The following NEFM variants were observed in gnomAD, a reference collection of about 807,000 sequenced individuals.
NEFM encodes neurofilament medium chain, also known as neurofilament medium polypeptide.
Under a neutral mutation model 48.1 loss-of-function variants are expected in NEFM, and 16 were observed. That is an observed-to-expected ratio of 0.33 (90% CI 0.23 to 0.51). NEFM has a LOEUF of 0.51. NEFM is among the 20% of genes least tolerant of loss of function. The pLI is 0.98. For missense variants in NEFM, 1,107 were observed against 1,136.0 expected (o/e 0.97, Z 0.37); for synonymous variants, 465 against 456.9 (o/e 1.02, Z -0.23).
At position 24,915,738 on chromosome 8, in the gene NEFM, CT is replaced by C. The variant is rs766276484; in HGVS notation, c.1205+11del. On this transcript the variant is annotated intron_variant, in intron 2 of 2. Coordinates refer to ENST00000221166, the MANE Select transcript of NEFM (RefSeq NM_005382.2). The stretch of plus-strand genomic sequence containing the variant: ...GAAATCGCTGCGTACAGGTACGATG[CT>C]TACTACGTGCGTGGCCGGAACACTA... 37 of 1,613,938 alleles carry C rather than the reference CT, an allele frequency of 2.3e-5. No homozygotes were observed. In the Admixed American group the frequency reaches 3.7e-4, roughly 16 times the overall value.
chr8:24,917,643 T>C lies in NEFM; in HGVS notation c.1788T>C (p.Ala596=), dbSNP rs375380325. ...TGGAGGAAAAGAGTGAGGAAGTGGC[T>C]ACCAAGGAGGAGCTGGTGGCAGATG... ...KKVEEKSEEV[A]TKEELVADAK... Residue 596 remains alanine (A), a synonymous_variant, in exon 3 of 3, where the codon GCT becomes GCC. Coordinates refer to ENST00000221166, the MANE Select transcript of NEFM (RefSeq NM_005382.2). 74 of 1,613,174 alleles carry C rather than the reference T, an allele frequency of 4.6e-5. No individual in the cohort carries two copies. The Middle Eastern group carries it at 2.2e-3, about 49-fold the overall frequency.
rs528508186 is a variant in NEFM, at chr8:24,917,809, G to C, written c.1954G>C (p.Gly652Arg). The C allele has an allele frequency of 1.2e-6, 2 of 1,613,576 alleles. No individual in the cohort carries two copies. Among genetic ancestry groups the C allele is most frequent in the African/African-American group, 2.7e-5 (2 of 75,020 alleles). ...PVPKSPVEEKGKSPVPKSPVE... is the reference protein window; with the variant it reads ...PVPKSPVEEKRKSPVPKSPVE... ...GCCCAAGTCACCAGTGGAAGAGAAA[G>C]GCAAGTCTCCTGTGCCGAAATCACC... The change falls in exon 3 of 3, where the codon GGC becomes CGC. Residue 652 changes from glycine (G) to arginine (R), a missense_variant. Transcript: ENST00000221166.
chr8:24,917,982 C>G lies in NEFM; in HGVS notation c.2127C>G (p.Val709=). 2 of 1,610,216 alleles carry G rather than the reference C, an allele frequency of 1.2e-6. No individual in the cohort carries two copies. Among genetic ancestry groups the G allele is most frequent in the Non-Finnish European group, 1.7e-6 (2 of 1,177,938 alleles). ...GEQKEEEEKE[V]KEAPKEEKVE... ...AGAAAGAGGAAGAAGAAAAGGAAGT[C>G]AAGGAAGCTCCCAAGGAAGAGAAGG... is the stretch of plus-strand genomic sequence containing the variant. The change falls in exon 3 of 3, where the codon GTC becomes GTG. Residue 709 remains valine, a synonymous_variant. Transcript: ENST00000221166.
Position 24,918,621 on chromosome 8 carries a change from G to C in NEFM, c.*15G>C. 2.5e-6 allele frequency: 4 copies of C among 1,572,126 alleles called. 1 individual carries two copies. In the South Asian group the frequency reaches 4.4e-5, roughly 17 times the overall value. Reference sequence around the variant, plus strand: ...AGAGTGACTAAGATTTGAGTCCATTGCAAAAGGTTAAGCCATATGACAATT... The same window carrying C: ...AGAGTGACTAAGATTTGAGTCCATTCCAAAAGGTTAAGCCATATGACAATT... On this transcript the variant is annotated 3_prime_UTR_variant, in exon 3 of 3. Coordinates refer to ENST00000221166, the MANE Select transcript of NEFM (RefSeq NM_005382.2).
Position 24,914,569 on chromosome 8 carries a change from A to C in NEFM, c.776A>C (p.Lys259Thr), listed in dbSNP as rs1802543783. 1 of 1,614,040 alleles carries C rather than the reference A, an allele frequency of 6.2e-7. No individual in the cohort carries two copies. The highest frequency in any genetic ancestry group is 1.7e-5 in the Admixed American group (1 of 60,004). ...GCATCGCACATCACGGTGGAGCGCA[A>C]AGACTACCTGAAGACAGACATCTCG... ...IQASHITVER[K>T]DYLKTDISTA... Residue 259 changes from lysine (K) to threonine (T), a missense_variant, in exon 1 of 3, where the codon AAA (lysine) becomes ACA (threonine). Transcript: ENST00000221166.
Position 24,913,909 on chromosome 8 carries a change from C to T in NEFM, c.116C>T (p.Ser39Leu), listed in dbSNP as rs1365448844. The T allele has an allele frequency of 6.2e-7, 1 of 1,611,052 alleles. No homozygotes were observed. The highest frequency in any genetic ancestry group is 2.2e-5 in the East Asian group (1 of 44,828). The change falls in exon 1 of 3, where the codon TCG (serine) becomes TTG (leucine). Residue 39 changes from serine (S) to leucine (L), a missense_variant. Transcript: ENST00000221166. ...CCGTCCAGTGGCTTCCGCTCGCAGT[C>T]GTGGTCCCGCGGCTCGCCCAGCACC... ...GSPSSGFRSQSWSRGSPSTVS... is the reference protein window; with the variant it reads ...GSPSSGFRSQLWSRGSPSTVS...
At position 24,916,492 on chromosome 8, in the gene NEFM, C is replaced by T. The variant is rs534771532; in HGVS notation, c.1206-569C>T. Among the ~76,000 whole-genome samples the T allele has an allele frequency of 3.3e-5, 5 of 152,030 alleles. No homozygotes were observed. The South Asian group carries it at 6.2e-4, about 19-fold the overall frequency. ...TACCAATAAGGTAGTTATAATATAACGAGAATAAATTGCATTTACAGAGCT... is the reference window on the plus strand; with the variant it reads ...TACCAATAAGGTAGTTATAATATAATGAGAATAAATTGCATTTACAGAGCT... On this transcript the variant is annotated intron_variant, in intron 2 of 2. Transcript: ENST00000221166.
At position 24,918,389 on chromosome 8, in the gene NEFM, G is replaced by A. The variant is rs188421098; in HGVS notation, c.2534G>A (p.Gly845Asp). The A allele has an allele frequency of 1.2e-6, 2 of 1,613,972 alleles. No homozygotes were observed. The highest frequency in any genetic ancestry group is 1.1e-5 in the South Asian group (1 of 91,082). ...DLSPADEKKG[G>D]DKSEEKVVVT... is the part of the protein sequence containing the mutation. ...AGCCCAGCAGATGAAAAGAAGGGGG[G>A]TGATAAAAGTGAGGAGAAAGTGGTG... The change falls in exon 3 of 3, where the codon GGT (glycine) becomes GAT (aspartate). Residue 845 changes from glycine (G) to aspartate (D), a missense_variant. This residue lies in a region of NEFM where 917 missense variants were observed against 916.4 expected (regional missense o/e 1.00). Coordinates refer to ENST00000221166, the MANE Select transcript of NEFM (RefSeq NM_005382.2).
At chr8:24,915,441 A>G (rs1446115419) in intron 1 of NEFM, 164 bp from the exon 2 acceptor site, 2 of 1,215,516 alleles carry the variant, frequency 1.6e-6, no homozygotes, top group Non-Finnish European at 2.3e-6. Context: ...TTAGATTTAA[A>G]AGAAAAAGGG....
chr8:24,918,837 G>T lies in NEFM; in HGVS notation c.*231G>T. 2 of 553,442 alleles carry T rather than the reference G, an allele frequency of 3.6e-6. No homozygotes were observed. The highest frequency in any genetic ancestry group is 3.2e-5 in the East Asian group (1 of 31,554). The allele number at this position is 553,442 out of a possible 1,614,324, so 34.3% of individuals were successfully genotyped here. ...AAATTTGCCGATTTCCTAAGCTGTT[G>T]GAAGGGGGTCACTTAAGGGGGGATG... On this transcript the variant is annotated 3_prime_UTR_variant, in exon 3 of 3. Coordinates refer to ENST00000221166, the MANE Select transcript of NEFM (RefSeq NM_005382.2).
Position 24,915,611 on chromosome 8 carries a change from A to G in NEFM, c.1087A>G (p.Ile363Val). 2 of 1,614,080 alleles carry G rather than the reference A, an allele frequency of 1.2e-6. No individual in the cohort carries two copies. Among genetic ancestry groups the G allele is most frequent in the Non-Finnish European group, 8.5e-7 (1 of 1,180,000 alleles). ...TTCTCTGTGTCTGTTTCAGGACACCATCCAGCAGCTGGAAAATGAGCTTCG... is the reference window on the plus strand; with the variant it reads ...TTCTCTGTGTCTGTTTCAGGACACCGTCCAGCAGCTGGAAAATGAGCTTCG... ...NHDLSSYQDT[I>V]QQLENELRGT... Residue 363 changes from isoleucine (I) to valine (V), a missense_variant, in exon 2 of 3, where the codon ATC becomes GTC. Ile to Val is a conservative substitution (Grantham distance 29). This residue lies in a region of NEFM where 917 missense variants were observed against 916.4 expected (regional missense o/e 1.00). Transcript: ENST00000221166.
At position 24,917,718 on chromosome 8, in the gene NEFM, A is replaced by G. The variant is rs1182677728; in HGVS notation, c.1863A>G (p.Pro621=). ...CCAAGTCTCCTGTGCCAAAATCACC[A>G]GTGGAAGAGAAAGGCAAGTCTCCTG... ...EKAKSPVPKS[P]VEEKGKSPVP... The change falls in exon 3 of 3, where the codon CCA becomes CCG. Residue 621 remains proline, a synonymous_variant. Coordinates refer to ENST00000221166, the MANE Select transcript of NEFM (RefSeq NM_005382.2). The G allele has an allele frequency of 6.2e-7, 1 of 1,613,754 alleles. No individual in the cohort carries two copies. The highest frequency in any genetic ancestry group is 8.5e-7 in the Non-Finnish European group (1 of 1,179,960).
Position 24,913,858 on chromosome 8 carries a change from C to G in NEFM, c.65C>G (p.Ser22Trp). 1.2e-6 allele frequency: 2 copies of G among 1,608,320 alleles called. No homozygotes were observed. The highest frequency in any genetic ancestry group is 1.7e-6 in the Non-Finnish European group (2 of 1,178,088). ...SAYRRVTETR[S>W]SFSRVSGSPS... The stretch of plus-strand genomic sequence containing the variant: ...TACCGGCGGGTAACCGAGACCCGCT[C>G]GAGCTTCAGCCGCGTCAGCGGCTCC... Residue 22 changes from serine to tryptophan, a missense_variant, in exon 1 of 3, where the codon TCG becomes TGG. Ser to Trp is a radical substitution (Grantham distance 177). Coordinates refer to ENST00000221166, the MANE Select transcript of NEFM (RefSeq NM_005382.2).
rs1298607671 is a variant in NEFM, at chr8:24,914,314, A to C, written c.521A>C (p.Asp174Ala). 1 of 1,613,484 alleles carries C rather than the reference A, an allele frequency of 6.2e-7. No individual in the cohort carries two copies. The highest frequency in any genetic ancestry group is 2.2e-5 in the East Asian group (1 of 44,862). ...VNHEKAQVQL[D>A]SDHLEEDIHR... Reference sequence around the variant, plus strand: ...CACGAGAAGGCTCAGGTGCAGCTGGACTCGGACCACCTGGAGGAAGACATC... The same window carrying C: ...CACGAGAAGGCTCAGGTGCAGCTGGCCTCGGACCACCTGGAGGAAGACATC... The change falls in exon 1 of 3, where the codon GAC (aspartate) becomes GCC (alanine). Residue 174 changes from aspartate to alanine, a missense_variant. Coordinates refer to ENST00000221166, the MANE Select transcript of NEFM (RefSeq NM_005382.2).
Position 24,916,970 on chromosome 8 carries a change from AG to A in NEFM, c.1206-89del. On this transcript the variant is annotated intron_variant, in intron 2 of 2. Transcript: ENST00000221166. ...TACTTATGTAATTCTATTTATTCAAAGGTAGCTACCACAATACCCAGAATGT... is the reference window on the plus strand; with the variant it reads ...TACTTATGTAATTCTATTTATTCAAAGTAGCTACCACAATACCCAGAATGT... 5 of 1,007,132 alleles carry A rather than the reference AG, an allele frequency of 5.0e-6. No homozygotes were observed. The South Asian group carries it at 6.4e-5, about 13-fold the overall frequency. The allele number at this position is 1,007,132 out of a possible 1,614,324, so 62.4% of individuals were successfully genotyped here. A position where few individuals can be genotyped will look rare whatever the true frequency, so the allele number is the denominator to read the frequency against.
At position 24,914,061 on chromosome 8, in the gene NEFM, C is replaced by G; in HGVS notation, c.268C>G (p.Pro90Ala). 6.2e-7 allele frequency: 1 copy of G among 1,612,844 alleles called. No homozygotes were observed. The highest frequency in any genetic ancestry group is 8.5e-7 in the Non-Finnish European group (1 of 1,179,924). ...GTCCCTGCTCAACGGCGGCTCCGGA[C>G]CCGGCGGCGACTACAAGCTGTCCCG... ...SSSLLNGGSGPGGDYKLSRSN... is the reference protein window; with the variant it reads ...SSSLLNGGSGAGGDYKLSRSN... Residue 90 changes from proline to alanine, a missense_variant, in exon 1 of 3, where the codon CCC (proline) becomes GCC (alanine). Physicochemically the swap from Pro to Ala is conservative, Grantham distance 27 (BLOSUM62 -1). This residue lies in a region of NEFM where 186 missense variants were observed against 200.6 expected (regional missense o/e 0.93). Coordinates refer to ENST00000221166, the MANE Select transcript of NEFM (RefSeq NM_005382.2).
At position 24,917,482 on chromosome 8, in the gene NEFM, G is replaced by A. The variant is rs1284852509; in HGVS notation, c.1627G>A (p.Ala543Thr). The change falls in exon 3 of 3, where the codon GCT becomes ACT. Residue 543 changes from alanine to threonine, a missense_variant. By Grantham distance (58) the Ala-to-Thr change is moderately conservative (BLOSUM62 0). Transcript: ENST00000221166. ...AGAAGAGGAGGAAGAAGATGAGGGA[G>A]CTAAGTCAGACCAAGCCGAAGAGGG... ...QEEEEEEDEG[A>T]KSDQAEEGGS... The A allele has an allele frequency of 3.9e-6, 6 of 1,554,790 alleles. No homozygotes were observed. Among genetic ancestry groups the A allele is most frequent in the Non-Finnish European group, 5.2e-6 (6 of 1,148,752 alleles).
At chr8:24,916,842 G>C (rs1270128741) in intron 2 of NEFM, among the ~76,000 whole-genome samples, 1 of 152,190 alleles carries the variant, frequency 6.6e-6, no homozygotes, top group Non-Finnish European at 1.5e-5. Context: ...TCATTGTAGG[G>C]GGCAACTGTC....
intron 2 of NEFM, among the ~76,000 whole-genome samples, chr8:24,916,210 C>A (rs1161472077): frequency 6.6e-6 from 1 of 151,858 alleles, no homozygotes; most frequent in African/African-American, 2.4e-5. Flanking sequence ...AGATATAGTT[C>A]TTTTATATAT....
Sources: gnomAD v4.1 joint callset for allele counts (sites outside exome capture counted in the v4.1 genomes callset) on GRCh38, gnomAD v4.1.1 for gene constraint, gnomAD v4.1.1 regional missense constraint, MANE v1.5 for transcripts, NCBI Gene and HGNC (gene_info 2026-07-23, HGNC 2026-07-21) for gene names.